SMG6: variants seen among roughly 807,000 people sequenced by gnomAD.
SMG6 encodes the protein telomerase-binding protein EST1A.
A neutral mutation model predicts 142.2 loss-of-function variants in SMG6; 66 were observed. The observed-to-expected ratio is 0.46, with a 90% confidence interval of 0.38 to 0.57. The LOEUF (loss-of-function observed/expected upper bound fraction) is 0.57. SMG6 is among the 20% of genes least tolerant of loss of function. The pLI, the probability that SMG6 is intolerant of heterozygous loss-of-function variation, is 0.00. For missense variants in SMG6, 1,793 were observed against 1,832.0 expected (o/e 0.98, Z 0.39); for synonymous variants, 779 against 702.4 (o/e 1.11, Z -1.72).
intron 13 of SMG6, among the ~76,000 whole-genome samples, chr17:2,135,318 T>A (rs1379866193): frequency 6.6e-6 from 1 of 152,246 alleles, no homozygotes; most frequent in Non-Finnish European, 1.5e-5. Context: ...CTTATTTATT[T>A]GTGGTGAGAA....
Position 2,275,155 on chromosome 17 carries a change from C to T in SMG6, c.2661+7492G>A, listed in dbSNP as rs577120699. Among the ~76,000 whole-genome samples the T allele has an allele frequency of 3.3e-5, 5 of 152,284 alleles. No homozygotes were observed. The South Asian group carries it at 8.3e-4, about 25-fold the overall frequency. ...AAAGAATACGAGCCGGGCATGGTGG[C>T]TGACGCCTGTCATCCCAGCACTTTG... is the stretch of plus-strand genomic sequence containing the variant. On this transcript the variant is annotated intron_variant, in intron 8 of 18. Transcript: ENST00000263073.
At chr17:2,250,827 G>C (rs970406167) in intron 8 of SMG6, among the ~76,000 whole-genome samples, 3 of 152,122 alleles carry the variant, frequency 2.0e-5, no homozygotes, top group Admixed American at 2.0e-4. Context: ...TTCAATCAAA[G>C]CCCACTTATC....
At chr17:2,201,022 T>TA (rs1254200835) in intron 10 of SMG6, among the ~76,000 whole-genome samples, 1 of 152,210 alleles carries the variant, frequency 6.6e-6, no homozygotes, top group Non-Finnish European at 1.5e-5. Context: ...AAACATTTTC[T>TA]AAAAAGTAGG....
intron 10 of SMG6, among the ~76,000 whole-genome samples, chr17:2,202,856 C>T (rs2072572620): frequency 6.6e-6 from 1 of 152,162 alleles, no homozygotes; most frequent in Non-Finnish European, 1.5e-5. Context: ...AGAGAATTCT[C>T]GCCCTCCATC....
chr17:2,130,432 A>G (rs1198505563), intron 13 of SMG6, among the ~76,000 whole-genome samples: 6 of 151,998 alleles, frequency 3.9e-5, no homozygotes, highest in Non-Finnish European at 8.8e-5. Context: ...TTAACAGTAT[A>G]TCATGTTCAT....
intron 5 of SMG6, 115 bp from the exon 6 acceptor site, chr17:2,292,745 G>T (rs1166334920): frequency 2.8e-6 from 4 of 1,440,794 alleles, no homozygotes; most frequent in Non-Finnish European, 2.9e-6. Flanking sequence ...AACCCTGGAG[G>T]GGTAAGGCAT....
intron 13 of SMG6, chr17:2,088,301 T>C (rs2068621700): frequency 1.0e-6 from 1 of 985,274 alleles, no homozygotes; most frequent in Non-Finnish European, 1.2e-6. Flanking sequence ...CTCCTGGAGA[T>C]GGGGATTTCC....
chr17:2,169,652 T>C (rs960842357), intron 13 of SMG6, among the ~76,000 whole-genome samples: 2 of 152,114 alleles, frequency 1.3e-5, no homozygotes, highest in African/African-American at 4.8e-5. Flanking sequence ...TCAATGTGAC[T>C]AGAGCACACT....
chr17:2,167,131 C>CAAAAAAA (rs57898779), intron 13 of SMG6, among the ~76,000 whole-genome samples: 46 of 35,682 alleles, frequency 1.3e-3, no homozygotes, highest in East Asian at 4.6e-3. Context: ...GACTCCATCT[C>CAAAAAAA]AAAAAAAAAA....
chr17:2,152,458 G>A (rs1203090598), intron 13 of SMG6, among the ~76,000 whole-genome samples: 3 of 152,124 alleles, frequency 2.0e-5, no homozygotes. Flanking sequence ...ATTTGTACCT[G>A]ACAAAGGATT....
rs1280725265 is a variant in SMG6 at position 2,241,559 on chromosome 17, C to T, written c.2723+3099G>A. 3.9e-5 allele frequency among the ~76,000 whole-genome samples: 6 copies of T among 152,208 alleles called. No homozygotes were observed. In the East Asian group the frequency reaches 9.6e-4, roughly 24 times the overall value. ...GCTTTTAAAAAAATTATCTATTATA[C>T]TCATTAAAAAGAGAGATGGGGTCTT... is the stretch of plus-strand genomic sequence containing the variant. On this transcript the variant is annotated intron_variant, in intron 9 of 18. Coordinates refer to ENST00000263073, the MANE Select transcript of SMG6 (RefSeq NM_017575.5).
chr17:2,085,891 G>C lies in SMG6; in HGVS notation c.3368C>G (p.Ala1123Gly). 6.2e-7 allele frequency: 1 copy of C among 1,614,064 alleles called. No homozygotes were observed. The highest frequency in any genetic ancestry group is 8.5e-7 in the Non-Finnish European group (1 of 1,179,952). Residue 1123 changes from alanine (A) to glycine (G), a missense_variant, in exon 14 of 19, where the codon GCT becomes GGT. Ala to Gly is a moderately conservative substitution (Grantham distance 60). Transcript: ENST00000263073. This position sits in a 1 kb window ranked among gnomAD's most constrained non-coding sequence, Gnocchi z 4.1. ...VEKTSDKVIA[A>G]DCKRVTVLKY... is the part of the protein sequence containing the mutation. ...CAGCACTGTGACCCTTTTGCAGTCAGCTGCAATAACCTACAGGGTGAGAGG... is the reference window on the plus strand; with the variant it reads ...CAGCACTGTGACCCTTTTGCAGTCACCTGCAATAACCTACAGGGTGAGAGG...
chr17:2,073,165 T>C (rs955826782), intron 15 of SMG6, among the ~76,000 whole-genome samples: 4 of 151,850 alleles, frequency 2.6e-5, no homozygotes, highest in African/African-American at 9.7e-5. Flanking sequence ...CTCACTGCAA[T>C]CTCTGCCTCT....
chr17:2,075,363 T>C (rs560249319), intron 15 of SMG6, among the ~76,000 whole-genome samples: 1 of 152,286 alleles, frequency 6.6e-6, no homozygotes, highest in East Asian at 1.9e-4. Context: ...ACACATGTCA[T>C]TGCTGGCCAC....
chr17:2,225,810 T>C (rs113338939), intron 10 of SMG6, among the ~76,000 whole-genome samples: 1 of 151,622 alleles, frequency 6.6e-6, no homozygotes, highest in Admixed American at 6.6e-5. Context: ...GTGCTGGGGG[T>C]AAGGAGTAGG....
chr17:2,269,900 A>G (rs2074509379), intron 8 of SMG6, among the ~76,000 whole-genome samples: 1 of 152,220 alleles, frequency 6.6e-6, no homozygotes, highest in Admixed American at 6.5e-5. Flanking sequence ...ATGGTGGCTC[A>G]CGCCTGTAAT....
At chr17:2,222,014 C>T (rs1180604875) in intron 10 of SMG6, among the ~76,000 whole-genome samples, 1 of 152,204 alleles carries the variant, frequency 6.6e-6, no homozygotes, top group African/African-American at 2.4e-5. Context: ...GGATTACAGA[C>T]GTCGGCCACG....
At chr17:2,075,592 G>C (rs938269775) in intron 15 of SMG6, among the ~76,000 whole-genome samples, 1 of 152,250 alleles carries the variant, frequency 6.6e-6, no homozygotes, top group South Asian at 2.1e-4. Context: ...CTCATGCCTG[G>C]AGGAGCATTT....
chr17:2,104,118 A>AT (rs1489798461), intron 13 of SMG6, among the ~76,000 whole-genome samples: 23 of 151,640 alleles, frequency 1.5e-4, no homozygotes, highest in African/African-American at 5.1e-4. Context: ...CGCCCGGCTA[A>AT]TTTTTTGTAT....
Sources: allele counts gnomAD v4.1 joint callset (sites outside exome capture counted in the v4.1 genomes callset), GRCh38; gene constraint gnomAD v4.1.1; non-coding constraint Gnocchi (gnomAD v3.1); transcripts MANE v1.5; gene names NCBI Gene and HGNC (gene_info 2026-07-23, HGNC 2026-07-21).